NTNG1: variants seen among roughly 807,000 people sequenced by gnomAD.
NTNG1 encodes the protein netrin-G1.
Under a neutral mutation model 54.0 loss-of-function variants are expected in NTNG1, and 16 were observed. That is an observed-to-expected ratio of 0.30 (90% confidence interval 0.20 to 0.45). The LOEUF (loss-of-function observed/expected upper bound fraction) is 0.45, where lower values mean the gene tolerates loss of function less well. NTNG1 is among the 20% of genes least tolerant of loss of function. The probability of loss-of-function intolerance (pLI) is 1.00; values close to 1 mark genes in which losing one functional copy is unlikely to be tolerated. For synonymous variants in NTNG1, 255 were observed against 263.1 expected (o/e 0.97, Z 0.30); for missense variants, 530 against 678.7 (o/e 0.78, Z 2.43).
intron 2 of NTNG1, among the ~76,000 whole-genome samples, chr1:107,240,974 C>T (rs866370116): frequency 3.9e-5 from 6 of 151,984 alleles, no homozygotes; most frequent in African/African-American, 9.7e-5. Flanking sequence ...AAAATCACTT[C>T]GGATTTTTTT....
At chr1:107,177,549 G>T (rs943839990) in intron 2 of NTNG1, among the ~76,000 whole-genome samples, 3 of 152,086 alleles carry the variant, frequency 2.0e-5, no homozygotes, top group Non-Finnish European at 4.4e-5. Flanking sequence ...TGGCCAGCCT[G>T]GTCTCAAACT....
chr1:107,246,732 AAATAT>A (rs1350394491), intron 2 of NTNG1, among the ~76,000 whole-genome samples: 2 of 152,222 alleles, frequency 1.3e-5, no homozygotes, highest in Non-Finnish European at 2.9e-5. Context: ...TAAAAAATGT[AAATAT>A]AATAGGAAAA....
intron 2 of NTNG1, among the ~76,000 whole-genome samples, chr1:107,177,963 T>C (rs1469169648): frequency 1.3e-5 from 2 of 152,154 alleles, no homozygotes; most frequent in East Asian, 3.9e-4. Context: ...CCTCCCATTA[T>C]AGTAAGTTGA....
chr1:107,158,560 G>T (rs891767085), intron 2 of NTNG1, among the ~76,000 whole-genome samples: 7 of 152,140 alleles, frequency 4.6e-5, no homozygotes, highest in African/African-American at 7.2e-5. Context: ...ACATTATCAT[G>T]AGGCCATATC....
At chr1:107,215,440 G>C (rs1434118149) in intron 2 of NTNG1, among the ~76,000 whole-genome samples, 2 of 152,126 alleles carry the variant, frequency 1.3e-5, no homozygotes, top group Admixed American at 6.5e-5. Context: ...TCAGTTGACT[G>C]TAAGTGTTTG....
intron 3 of NTNG1, among the ~76,000 whole-genome samples, chr1:107,367,552 T>G (rs1389403033): frequency 2.6e-5 from 4 of 152,132 alleles, no homozygotes; most frequent in Non-Finnish European, 5.9e-5. Flanking sequence ...CCCTGTTGCA[T>G]CTTGGCAAGC....
At chr1:107,283,761 A>T (rs1222521895) in intron 2 of NTNG1, among the ~76,000 whole-genome samples, 1 of 152,132 alleles carries the variant, frequency 6.6e-6, no homozygotes, top group East Asian at 1.9e-4. Context: ...CCTATGGTGG[A>T]TCCCTATGGC....
intron 7 of NTNG1, among the ~76,000 whole-genome samples, chr1:107,455,022 T>C (rs2101508276): frequency 6.6e-6 from 1 of 152,160 alleles, no homozygotes; most frequent in East Asian, 1.9e-4. Context: ...GAGGCAAGAA[T>C]GAGGAAGACT....
intron 2 of NTNG1, among the ~76,000 whole-genome samples, chr1:107,199,543 C>G (rs1025762988): frequency 1.3e-5 from 2 of 151,838 alleles, no homozygotes; most frequent in Admixed American, 6.6e-5. Flanking sequence ...CATCAAAATT[C>G]ATCCATTCAA....
At chr1:107,388,574 T>C (rs556371108) in intron 3 of NTNG1, among the ~76,000 whole-genome samples, 40 of 152,302 alleles carry the variant, frequency 2.6e-4, no homozygotes, top group Middle Eastern at 6.8e-3. Context: ...ATGTGAAAAA[T>C]GCAAAAAGCA....
chr1:107,470,530 G>A (rs1356233423), intron 7 of NTNG1, among the ~76,000 whole-genome samples: 1 of 152,188 alleles, frequency 6.6e-6, no homozygotes, highest in Non-Finnish European at 1.5e-5. Context: ...CTGTACTTAT[G>A]GAGATTATGC....
chr1:107,382,974 C>T (rs1333838035), intron 3 of NTNG1, among the ~76,000 whole-genome samples: 1 of 152,136 alleles, frequency 6.6e-6, no homozygotes, highest in Non-Finnish European at 1.5e-5. Flanking sequence ...TTCCATACCA[C>T]CCATGGGAAT....
At chr1:107,200,360 C>T (rs567451454) in intron 2 of NTNG1, among the ~76,000 whole-genome samples, 91 of 151,882 alleles carry the variant, frequency 6.0e-4, no homozygotes, top group African/African-American at 2.1e-3. Context: ...ATTAGTGATA[C>T]TTGGTAGCAT....
intron 2 of NTNG1, among the ~76,000 whole-genome samples, chr1:107,301,903 TA>T (rs1372564369): frequency 2.0e-5 from 3 of 152,174 alleles, no homozygotes; most frequent in African/African-American, 7.2e-5. Context: ...TCTATATGGC[TA>T]ATACTCCTCC....
intron 2 of NTNG1, among the ~76,000 whole-genome samples, chr1:107,172,260 A>G (rs913299772): frequency 6.6e-6 from 1 of 152,146 alleles, no homozygotes; most frequent in Non-Finnish European, 1.5e-5. Context: ...GCTGAGATTC[A>G]TCCCAGTTTC....
chr1:107,160,323 C>T (rs1655314560), intron 2 of NTNG1, among the ~76,000 whole-genome samples: 1 of 152,088 alleles, frequency 6.6e-6, no homozygotes, highest in South Asian at 2.1e-4. Flanking sequence ...TCCCTCACAA[C>T]ATATATTAGC....
intron 2 of NTNG1, among the ~76,000 whole-genome samples, chr1:107,199,638 G>A (rs2101270159): frequency 6.6e-6 from 1 of 151,924 alleles, no homozygotes; most frequent in Admixed American, 6.6e-5. Context: ...ATTACCAGAG[G>A]ACACAGATTT....
At chr1:107,423,529 T>C (rs1264424094) in intron 5 of NTNG1, among the ~76,000 whole-genome samples, 1 of 152,156 alleles carries the variant, frequency 6.6e-6, no homozygotes, top group Non-Finnish European at 1.5e-5. Flanking sequence ...ACATGATGGC[T>C]GTACGTGGTA....
intron 2 of NTNG1, among the ~76,000 whole-genome samples, chr1:107,179,082 A>G (rs1188663465): frequency 1.3e-5 from 2 of 152,194 alleles, no homozygotes; most frequent in Admixed American, 1.3e-4. Context: ...CACAAAGAGA[A>G]GACCCAGGGA....
Sources: allele counts gnomAD v4.1 joint callset (sites outside exome capture counted in the v4.1 genomes callset), GRCh38; gene constraint gnomAD v4.1.1; transcripts MANE v1.5; gene names NCBI Gene and HGNC (gene_info 2026-07-23, HGNC 2026-07-21).